The following TUT4 variants were observed in gnomAD, a reference collection of about 807,000 sequenced individuals.
The protein encoded by TUT4 is terminal uridylyltransferase 4.
Under a neutral mutation model 192.2 loss-of-function variants are expected in TUT4, and 36 were observed. The ratio of observed to expected loss-of-function variants is 0.19; its 90% CI spans 0.14 to 0.25. The LOEUF is 0.25. TUT4 is among the 10% of genes least tolerant of loss of function. TUT4 has a pLI of 1.00. For synonymous variants in TUT4, 618 were observed against 666.0 expected, an observed-to-expected ratio of 0.93 and a Z score of 1.11; for missense variants, 1,493 against 1,957.2, an observed-to-expected ratio of 0.76 and a Z score of 4.47.
At chr1:52,512,744 C>T (rs1677539259) in intron 3 of TUT4, among the ~76,000 whole-genome samples, 1 of 152,162 alleles carries the variant, frequency 6.6e-6, no homozygotes, top group South Asian at 2.1e-4. Flanking sequence ...ATTTCCAACT[C>T]AATATTTAAC....
chr1:52,533,228 T>G (rs1325478136), intron 1 of TUT4, among the ~76,000 whole-genome samples: 1 of 152,166 alleles, frequency 6.6e-6, no homozygotes, highest in Non-Finnish European at 1.5e-5. Context: ...CCAGCAACTA[T>G]TATATGAGAA....
intron 20 of TUT4, among the ~76,000 whole-genome samples, chr1:52,457,319 T>A (rs1661261892): frequency 6.6e-6 from 1 of 151,848 alleles, no homozygotes; most frequent in African/African-American, 2.4e-5. Flanking sequence ...CACTGCAACC[T>A]CTGCCTCCCG....
intron 9 of TUT4, among the ~76,000 whole-genome samples, chr1:52,487,603 T>C (rs901988497): frequency 6.6e-6 from 1 of 152,080 alleles, no homozygotes; most frequent in African/African-American, 2.4e-5. Context: ...CTCTCTTCCA[T>C]GGGTTAAAAA....
intron 24 of TUT4, among the ~76,000 whole-genome samples, chr1:52,442,833 C>T (rs575591306): frequency 6.6e-6 from 1 of 152,174 alleles, no homozygotes; most frequent in African/African-American, 2.4e-5. Flanking sequence ...ACTCATGGGC[C>T]CCTTCTGCTA....
At chr1:52,425,561 A>G in intron 28 of TUT4, 54 bp from the exon 29 acceptor site, 1 of 1,527,192 alleles carries the variant, frequency 6.5e-7, no homozygotes, top group Non-Finnish European at 8.8e-7. Flanking sequence ...TCATTCATTG[A>G]AATATCCCTT....
chr1:52,496,806 T>C (rs74080968), intron 5 of TUT4, among the ~76,000 whole-genome samples, 200 bp downstream of exon 5: 2 of 151,090 alleles, frequency 1.3e-5, no homozygotes, highest in African/African-American at 5.0e-5. Flanking sequence ...CTTTTTTTCT[T>C]AGTACAAAAG....
chr1:52,444,984 T>C (rs76650721), intron 24 of TUT4, among the ~76,000 whole-genome samples: 2,033 of 150,516 alleles, frequency 0.014, 18 homozygotes, highest in Non-Finnish European at 0.021. Flanking sequence ...TATGTGTGTA[T>C]ATATATGTAT....
intron 20 of TUT4, among the ~76,000 whole-genome samples, chr1:52,451,998 A>G (rs540520127): frequency 3.9e-5 from 6 of 152,140 alleles, no homozygotes; most frequent in African/African-American, 1.4e-4. Context: ...GAATTCTACC[A>G]AACATTTAAG....
chr1:52,470,375 T>C (rs1336072519), intron 14 of TUT4, among the ~76,000 whole-genome samples: 2 of 152,094 alleles, frequency 1.3e-5, no homozygotes, highest in Non-Finnish European at 2.9e-5. Flanking sequence ...TAAATGTAAA[T>C]TGTATCTTAA....
intron 1 of TUT4, among the ~76,000 whole-genome samples, chr1:52,541,785 T>A (rs72905621): frequency 0.026 from 3,986 of 152,054 alleles, 154 homozygotes; most frequent in African/African-American, 0.087. Context: ...CTCAAGAAAA[T>A]GAAAAAACAG....
At position 52,461,745 on chromosome 1, in the gene TUT4, C is replaced by G. The variant is rs764779414; in HGVS notation, c.3094G>C (p.Glu1032Gln). 4.9e-6 allele frequency: 7 copies of G among 1,431,626 alleles called. No homozygotes were observed. The highest frequency in any genetic ancestry group is 6.7e-6 in the Non-Finnish European group (7 of 1,041,906). 88.7% of individuals were successfully genotyped at this position (1,431,626 alleles called of 1,614,324 possible). A position where few individuals can be genotyped will look rare whatever the true frequency, so the allele number is the denominator to read the frequency against. ...CTCTTAAGAATTTTTGCCAAATTTT[C>G]AATTATTTCCTTACAATTTAATTTC... ...AEKLNCKEII[E>Q]NLAKILKRHP... The change falls in exon 17 of 30, where the codon GAA becomes CAA. Residue 1032 changes from glutamate to glutamine, a missense_variant. Around this residue, in one of 7 missense-constraint regions of TUT4, gnomAD observed 141 missense variants for 382.7 expected, o/e 0.37. Coordinates refer to ENST00000257177, the MANE Select transcript of TUT4 (RefSeq NM_001009881.3).
intron 27 of TUT4, chr1:52,433,487 G>C (rs143836094): frequency 6.6e-6 from 1 of 152,214 alleles, no homozygotes; most frequent in African/African-American, 2.4e-5. Context: ...AACACAGGAG[G>C]AAGAGGCAAG....
chr1:52,463,039 T>A (rs569772564), intron 16 of TUT4: 1 of 984,422 alleles, frequency 1.0e-6, no homozygotes, highest in South Asian at 4.7e-5. Flanking sequence ...ACAAAGGAGG[T>A]AATTTTTCTC....
intron 9 of TUT4, among the ~76,000 whole-genome samples, chr1:52,483,029 G>A (rs1361954776): frequency 2.0e-5 from 3 of 152,114 alleles, no homozygotes; most frequent in Non-Finnish European, 4.4e-5. Flanking sequence ...AGGAACCCAG[G>A]TGTGTTCACC....
At chr1:52,447,787 C>T (rs1658009484) in intron 20 of TUT4, among the ~76,000 whole-genome samples, 1 of 152,178 alleles carries the variant, frequency 6.6e-6, no homozygotes, top group Admixed American at 6.5e-5. Context: ...TCCCTAAGTG[C>T]TCACTTTTCC....
At chr1:52,481,678 TAA>T (rs369545413) in intron 10 of TUT4, 43 bp from the exon 11 acceptor site, 1,446 of 1,286,998 alleles carry the variant, frequency 1.1e-3, no homozygotes, top group South Asian at 2.0e-3. Flanking sequence ...AAAAATTATT[TAA>T]AAAAAAAAAA....
chr1:52,457,236 C>T (rs963600302), intron 20 of TUT4, among the ~76,000 whole-genome samples: 5 of 151,088 alleles, frequency 3.3e-5, no homozygotes, highest in African/African-American at 1.2e-4. Flanking sequence ...TCTTTTTTTT[C>T]TTTTCTTTTT....
chr1:52,428,976 TAAAA>T (rs911586340), intron 28 of TUT4, among the ~76,000 whole-genome samples: 3 of 151,714 alleles, frequency 2.0e-5, no homozygotes, highest in African/African-American at 7.3e-5. Flanking sequence ...AGGAATCCGA[TAAAA>T]GAATAGCAAA....
chr1:52,446,126 T>A, intron 22 of TUT4, 122 bp from the exon 23 acceptor site: 2 of 1,299,590 alleles, frequency 1.5e-6, no homozygotes, highest in Non-Finnish European at 2.1e-6. Context: ...AGCAAACTCT[T>A]CCTCTAAAAT....
Sources: gnomAD v4.1 joint callset for allele counts (sites outside exome capture counted in the v4.1 genomes callset) on GRCh38, gnomAD v4.1.1 for gene constraint, gnomAD v4.1.1 regional missense constraint, MANE v1.5 for transcripts, NCBI Gene and HGNC (gene_info 2026-07-23, HGNC 2026-07-21) for gene names.